Variants in PSD observed in about 807,000 individuals in gnomAD.
PSD encodes PH and SEC7 domain-containing protein 1.
Under a neutral mutation model 91.6 loss-of-function variants are expected in PSD, and 32 were observed. The ratio of observed to expected loss-of-function variants is 0.35; its 90% CI spans 0.26 to 0.47. The LOEUF is 0.47. PSD is among the 20% of genes least tolerant of loss of function. PSD has a pLI of 1.00. For synonymous variants in PSD, 532 were observed against 569.3 expected, an observed-to-expected ratio of 0.93 and a Z score of 0.93; for missense variants, 1,099 against 1,373.9, an observed-to-expected ratio of 0.80 and a Z score of 3.16.
At chr10:102,419,052 C>T (rs1338336213), upstream of PSD, 1 of 308,322 alleles carries the variant, frequency 3.2e-6, no homozygotes. This position sits in a 1 kb window ranked among gnomAD's most constrained non-coding sequence, Gnocchi z 4.8. Context: ...CGCCCACCGC[C>T]CCTTGAGCCA....
chr10:102,409,392 C>G lies in PSD; in HGVS notation c.2091+1466G>C. The G allele has an allele frequency of 1.0e-6, 1 of 981,552 alleles. No homozygotes were observed. The highest frequency in any genetic ancestry group is 1.2e-6 in the Non-Finnish European group (1 of 826,376). 60.8% of individuals were successfully genotyped at this position (981,552 alleles called of 1,614,324 possible). ...CGCGAAGGGGGCCCTCCCCGCGCGG[C>G]CACGGGGAGGAGCCTGGGGAGGCCA... is the stretch of plus-strand genomic sequence containing the variant. On this transcript the variant is annotated intron_variant, in intron 10 of 16. Transcript: ENST00000020673. This position sits in a 1 kb window ranked among gnomAD's most constrained non-coding sequence, Gnocchi z 5.7.
chr10:102,418,755 C>A lies in PSD; in HGVS notation c.-138G>T. On this transcript the variant is annotated 5_prime_UTR_variant, in exon 1 of 17. Coordinates refer to ENST00000020673, the MANE Select transcript of PSD (RefSeq NM_002779.5). ...GAGACAGAGGAGAGGCTGGGCCCAG[C>A]TGAGCTGTGAAGGCAGCGCGGCTCC... The A allele has an allele frequency of 2.2e-6, 1 of 455,826 alleles. No homozygotes were observed. The highest frequency in any genetic ancestry group is 4.4e-6 in the Non-Finnish European group (1 of 226,676). 28.2% of individuals were successfully genotyped at this position (455,826 alleles called of 1,614,324 possible). A position where few individuals can be genotyped will look rare whatever the true frequency, so the allele number is the denominator to read the frequency against.
Position 102,415,077 on chromosome 10 carries a change from C to A in PSD, c.910G>T (p.Val304Leu). Reference protein sequence around the residue: ...RCYRETDIDEVLAEREEADSA... With the variant: ...RCYRETDIDELLAEREEADSA... ...TCGGCCTCCTCCCGCTCAGCCAGCA[C>A]CTCATCGATGTCAGTCTCGCGGTAG... is the stretch of plus-strand genomic sequence containing the variant. The change falls in exon 4 of 17, where the codon GTG (valine) becomes TTG (leucine). Residue 304 changes from valine to leucine, a missense_variant. Physicochemically the swap from Val to Leu is conservative, Grantham distance 32. Coordinates refer to ENST00000020673, the MANE Select transcript of PSD (RefSeq NM_002779.5). The A allele has an allele frequency of 1.2e-6, 2 of 1,614,104 alleles. No homozygotes were observed. The highest frequency in any genetic ancestry group is 1.1e-5 in the South Asian group (1 of 91,080).
intron 3 of PSD, among the ~76,000 whole-genome samples, chr10:102,415,487 T>C (rs1411882865): frequency 6.6e-6 from 1 of 152,204 alleles, no homozygotes; most frequent in African/African-American, 2.4e-5. Context: ...TATTTATTTA[T>C]TTTGAGACAG....
intron 10 of PSD, among the ~76,000 whole-genome samples, chr10:102,407,799 C>CA (rs1419022581): frequency 6.6e-6 from 1 of 152,168 alleles, no homozygotes; most frequent in African/African-American, 2.4e-5. Context: ...TCATGGCTCC[C>CA]AACACCAAGA....
chr10:102,412,019 C>T, intron 7 of PSD, 128 bp downstream of exon 7: 1 of 1,162,038 alleles, frequency 8.6e-7, no homozygotes, highest in Non-Finnish European at 1.3e-6. Context: ...CTTGGCCATG[C>T]CCAGCCATCT....
At position 102,414,936 on chromosome 10, in the gene PSD, C is replaced by A. The variant is rs750445367; in HGVS notation, c.1051G>T (p.Asp351Tyr). 6.5e-7 allele frequency: 1 copy of A among 1,547,434 alleles called. No individual in the cohort carries two copies. Among genetic ancestry groups the A allele is most frequent in the Non-Finnish European group, 8.8e-7 (1 of 1,141,934 alleles). ...CCACCTGCCTCATCGTCGTCCTCAT[C>A]CTCATTGCCACTGCCGAGGCTGGGA... ...PHPSLGSGNE[D>Y]EDDDEAGGEE... Residue 351 changes from aspartate (D) to tyrosine (Y), a missense_variant, in exon 4 of 17, where the codon GAT (aspartate) becomes TAT (tyrosine). Asp to Tyr is a radical substitution (Grantham distance 160, BLOSUM62 -3). This residue lies in a region of PSD where 631 missense variants were observed against 728.8 expected (regional missense o/e 0.87). Coordinates refer to ENST00000020673, the MANE Select transcript of PSD (RefSeq NM_002779.5). The surrounding 1 kb of genome is among the most constrained non-coding windows in gnomAD (Gnocchi z 5.6).
chr10:102,411,323 G>GCTAGTTGCCCCAGTA (rs1338240428), intron 8 of PSD, among the ~76,000 whole-genome samples: 12 of 152,216 alleles, frequency 7.9e-5, no homozygotes, highest in African/African-American at 2.6e-4. Flanking sequence ...AGTACTGAGG[G>GCTAGTTGCCCCAGTA]CTAGTTGCCC....
At position 102,418,752 on chromosome 10, in the gene PSD, C is replaced by CA; in HGVS notation, c.-136dup. 1 of 455,810 alleles carries CA rather than the reference C, an allele frequency of 2.2e-6. No individual in the cohort carries two copies. The highest frequency in any genetic ancestry group is 4.4e-6 in the Non-Finnish European group (1 of 226,668). 28.2% of individuals were successfully genotyped at this position (455,810 alleles called of 1,614,324 possible). On this transcript the variant is annotated 5_prime_UTR_variant, in exon 1 of 17. Transcript: ENST00000020673. ...GGAGAGACAGAGGAGAGGCTGGGCC[C>CA]AGCTGAGCTGTGAAGGCAGCGCGGC...
In PSD at chr10:102,403,477, G is replaced by C; in HGVS notation, c.2845-47C>G. ...TGTGAGAGCCTCTTCTCTGCCTTCT[G>C]CCCACCCCACCATCTGGACCAGGGA... On this transcript the variant is annotated intron_variant, in intron 16 of 16. Transcript: ENST00000020673. The surrounding 1 kb of genome is among the most constrained non-coding windows in gnomAD (Gnocchi z 6.7). 6.6e-7 allele frequency: 1 copy of C among 1,524,434 alleles called. No individual in the cohort carries two copies. The highest frequency in any genetic ancestry group is 1.2e-5 in the South Asian group (1 of 82,100). 94.4% of individuals were successfully genotyped at this position (1,524,434 alleles called of 1,614,324 possible).
In PSD at chr10:102,405,609, G is replaced by A. The variant is rs1463949360; in HGVS notation, c.2136-73C>T. Reference sequence around the variant, plus strand: ...CCCGCTTCAGTTCTGGCCTCTGCTCGCCCTGGAAAAGCTCCCCCAGTGTTT... The same window carrying A: ...CCCGCTTCAGTTCTGGCCTCTGCTCACCCTGGAAAAGCTCCCCCAGTGTTT... On this transcript the variant is annotated intron_variant, in intron 11 of 16. Coordinates refer to ENST00000020673, the MANE Select transcript of PSD (RefSeq NM_002779.5). The surrounding 1 kb of genome is among the most constrained non-coding windows in gnomAD (Gnocchi z 5.4). The A allele has an allele frequency of 4.9e-6, 7 of 1,431,956 alleles. No individual in the cohort carries two copies. In the East Asian group the frequency reaches 7.3e-5, roughly 15 times the overall value. 88.7% of individuals were successfully genotyped at this position (1,431,956 alleles called of 1,614,324 possible). A position where few individuals can be genotyped will look rare whatever the true frequency, so the allele number is the denominator to read the frequency against.
chr10:102,418,829 C>G (rs2061519020), upstream of PSD: 2 of 383,698 alleles, frequency 5.2e-6, no homozygotes, highest in Admixed American at 2.7e-5. Context: ...CTACCCCCTA[C>G]GCGCCGCTCA....
intron 3 of PSD, 100 bp from the exon 4 acceptor site, chr10:102,415,329 AAGTT>A: frequency 1.5e-6 from 2 of 1,371,824 alleles, no homozygotes; most frequent in East Asian, 2.4e-5. Flanking sequence ...TATTGACAGG[AAGTT>A]CTTTCACTGT....
Position 102,405,005 on chromosome 10 carries a change from G to A in PSD, c.2448C>T (p.Ala816=), listed in dbSNP as rs1296575959. The stretch of plus-strand genomic sequence containing the variant: ...TGGCCAGGGCATGGTGGATGCTGAT[G>A]GCATTCTTGAGCTCCGTCTCTGAAA... ...KALSETELKN[A]ISIHHALATR... Residue 816 remains alanine, a synonymous_variant, in exon 14 of 17, where the codon GCC becomes GCT. Transcript: ENST00000020673. The surrounding 1 kb of genome is among the most constrained non-coding windows in gnomAD (Gnocchi z 5.4). 1 of 1,614,068 alleles carries A rather than the reference G, an allele frequency of 6.2e-7. No homozygotes were observed. The highest frequency in any genetic ancestry group is 8.5e-7 in the Non-Finnish European group (1 of 1,179,986).
At chr10:102,407,139 G>T in intron 11 of PSD, 84 bp downstream of exon 11, 1 of 1,304,972 alleles carries the variant, frequency 7.7e-7, no homozygotes, top group Admixed American at 2.6e-5. Context: ...CCCCACCCAG[G>T]GCCTACCCCA....
In PSD at chr10:102,416,168, C is replaced by A; in HGVS notation, c.655-49G>T. 1.4e-6 allele frequency: 2 copies of A among 1,413,890 alleles called. No homozygotes were observed. The highest frequency in any genetic ancestry group is 3.7e-5 in the Admixed American group (2 of 53,548). 87.6% of individuals were successfully genotyped at this position (1,413,890 alleles called of 1,614,324 possible). On this transcript the variant is annotated intron_variant, in intron 2 of 16. Transcript: ENST00000020673. This position sits in a 1 kb window ranked among gnomAD's most constrained non-coding sequence, Gnocchi z 6.0. Reference sequence around the variant, plus strand: ...GCACCCAGAGATAAAGCCAGACATACAAGGACACAAGAATATGGGACAGAA... The same window carrying A: ...GCACCCAGAGATAAAGCCAGACATAAAAGGACACAAGAATATGGGACAGAA...
At chr10:102,418,012 G>T (rs899722231) in intron 1 of PSD, among the ~76,000 whole-genome samples, 1 of 151,800 alleles carries the variant, frequency 6.6e-6, no homozygotes, top group African/African-American at 2.4e-5. Context: ...CCCGGCCAGG[G>T]ACATTCTTTT....
chr10:102,419,821 C>T (rs774142260), upstream of PSD: 1 of 196,034 alleles, frequency 5.1e-6, no homozygotes, highest in Non-Finnish European at 1.1e-5. The surrounding 1 kb of genome is among the most constrained non-coding windows in gnomAD (Gnocchi z 4.8). Context: ...GTCTGTCCTC[C>T]CAGCTACCCC....
upstream of PSD, chr10:102,419,016 C>A: frequency 3.0e-6 from 1 of 328,346 alleles, no homozygotes; most frequent in Non-Finnish European, 6.2e-6. This position sits in a 1 kb window ranked among gnomAD's most constrained non-coding sequence, Gnocchi z 4.8. Context: ...TCACGTGCCC[C>A]ACCCCACTTG....
Sources: allele counts gnomAD v4.1 joint callset (sites outside exome capture counted in the v4.1 genomes callset), GRCh38; gene constraint gnomAD v4.1.1; regional missense constraint gnomAD v4.1.1; non-coding constraint Gnocchi (gnomAD v3.1); transcripts MANE v1.5; gene names NCBI Gene and HGNC (gene_info 2026-07-23, HGNC 2026-07-21).